The following CNTN1 variants were observed in gnomAD, a reference collection of about 807,000 sequenced individuals.
CNTN1 encodes the protein contactin 1.
Under a neutral mutation model 126.4 loss-of-function variants are expected in CNTN1, and 38 were observed. The ratio of observed to expected loss-of-function variants is 0.30; its 90% confidence interval spans 0.23 to 0.39. The LOEUF is 0.39. Among genes scored for constraint, CNTN1 ranks in the 10% least tolerant of loss-of-function variants. The pLI is 1.00. For synonymous variants in CNTN1, 413 were observed against 422.6 expected (o/e 0.98, Z 0.28); for missense variants, 1,009 against 1,248.4 (o/e 0.81, Z 2.89).
chr12:40,890,182 A>AT (rs1017385538), intron 1 of CNTN1, among the ~76,000 whole-genome samples: 2 of 151,992 alleles, frequency 1.3e-5, no homozygotes, highest in Non-Finnish European at 2.9e-5. Flanking sequence ...TAATTTTGTT[A>AT]TTTTTTAATA....
chr12:40,908,724 A>C (rs897206557), intron 2 of CNTN1, among the ~76,000 whole-genome samples: 3 of 152,060 alleles, frequency 2.0e-5, no homozygotes, highest in Non-Finnish European at 4.4e-5. Context: ...TAAAATCTAG[A>C]TCTCTGGGGA....
chr12:40,864,422 CATT>C (rs1381126458), intron 1 of CNTN1, among the ~76,000 whole-genome samples: 2 of 152,124 alleles, frequency 1.3e-5, no homozygotes, highest in African/African-American at 4.8e-5. Flanking sequence ...GTTGTGCAAT[CATT>C]AATCTAATTT....
At chr12:41,069,882 T>G in intron 23 of CNTN1, 77 bp from the exon 24 acceptor site, 1 of 1,185,464 alleles carries the variant, frequency 8.4e-7, no homozygotes. Flanking sequence ...CAATCTCGCC[T>G]TAGCTGAAGC....
intron 16 of CNTN1, among the ~76,000 whole-genome samples, chr12:40,981,316 G>A (rs1947813444): frequency 6.6e-6 from 1 of 152,040 alleles, no homozygotes; most frequent in African/African-American, 2.4e-5. Context: ...AGCAAAATGA[G>A]GCCTCCTGGG....
At chr12:40,902,234 A>G (rs1246364949) in intron 1 of CNTN1, among the ~76,000 whole-genome samples, 2 of 152,190 alleles carry the variant, frequency 1.3e-5, no homozygotes, top group Admixed American at 6.5e-5. Flanking sequence ...AAACCTCACA[A>G]TAACACTCTT....
intron 1 of CNTN1, among the ~76,000 whole-genome samples, chr12:40,721,923 T>G (rs1207866625): frequency 6.6e-6 from 1 of 150,956 alleles, no homozygotes; most frequent in Non-Finnish European, 1.5e-5. Flanking sequence ...GGTGTATATG[T>G]GCCACATTTT....
chr12:40,827,151 T>A (rs1431230265), intron 1 of CNTN1, among the ~76,000 whole-genome samples: 1 of 151,704 alleles, frequency 6.6e-6, no homozygotes, highest in Non-Finnish European at 1.5e-5. Context: ...ATTAGCAAAA[T>A]TAAATGTACA....
At chr12:40,868,811 TC>T (rs573833002) in intron 1 of CNTN1, among the ~76,000 whole-genome samples, 37 of 152,166 alleles carry the variant, frequency 2.4e-4, no homozygotes, top group Admixed American at 1.4e-3. Flanking sequence ...TGTTTTCTCT[TC>T]CCAGCAGCTG....
At chr12:40,984,034 G>A (rs1326376264) in intron 16 of CNTN1, among the ~76,000 whole-genome samples, 2 of 148,026 alleles carry the variant, frequency 1.4e-5, no homozygotes, top group African/African-American at 4.9e-5. Flanking sequence ...CACACACAGA[G>A]GATTAAATAT....
At chr12:41,026,692 G>T (rs948671735) in intron 21 of CNTN1, among the ~76,000 whole-genome samples, 33 of 152,284 alleles carry the variant, frequency 2.2e-4, no homozygotes, top group African/African-American at 7.2e-4. Context: ...AACCTTGTAA[G>T]TAATTGTGAT....
At chr12:40,888,830 T>C (rs181551823) in intron 1 of CNTN1, among the ~76,000 whole-genome samples, 47 of 152,200 alleles carry the variant, frequency 3.1e-4, no homozygotes, top group African/African-American at 1.1e-3. Context: ...ACAAAACAAG[T>C]TTGAGAGTTG....
At chr12:40,925,838 G>GTA (rs1565963144) in intron 6 of CNTN1, among the ~76,000 whole-genome samples, 7 of 77,822 alleles carry the variant, frequency 9.0e-5, no homozygotes, top group Admixed American at 2.3e-4. Flanking sequence ...ATGTATGTGT[G>GTA]TGTGTGTATA....
At position 41,010,216 on chromosome 12, in the gene CNTN1, C is replaced by G. The variant is rs79970628; in HGVS notation, c.2114-4012C>G. The stretch of plus-strand genomic sequence containing the variant: ...TGTATGTTGGTTTGAGCCACTGGAG[C>G]TCCGGGACCCATCAATCCTGTTGGA... On this transcript the variant is annotated intron_variant, in intron 17 of 23. Transcript: ENST00000551295. Among the ~76,000 whole-genome samples the G allele has an allele frequency of 1.1e-3, 164 of 152,250 alleles. 2 individuals carry two copies. In the East Asian group the frequency reaches 0.019, roughly 17 times the overall value.
chr12:40,883,609 AAC>A (rs777724453), intron 1 of CNTN1, among the ~76,000 whole-genome samples: 3 of 151,596 alleles, frequency 2.0e-5, no homozygotes, highest in Non-Finnish European at 4.4e-5. Context: ...GTTGCTAGGA[AAC>A]ACAGTTTGAA....
At chr12:40,922,894 C>T (rs555324206) in intron 5 of CNTN1, among the ~76,000 whole-genome samples, 6 of 148,970 alleles carry the variant, frequency 4.0e-5, no homozygotes, top group Admixed American at 2.7e-4. Context: ...TTGATGGAAC[C>T]TGGGAGGCGG....
chr12:40,996,157 G>C (rs1420303626), intron 17 of CNTN1, among the ~76,000 whole-genome samples: 1 of 147,496 alleles, frequency 6.8e-6, no homozygotes, highest in Non-Finnish European at 1.5e-5. Flanking sequence ...TTTTTTTTTA[G>C]ACAGTTCAGT....
At chr12:41,037,823 C>T (rs1949300224) in intron 23 of CNTN1, among the ~76,000 whole-genome samples, 1 of 152,036 alleles carries the variant, frequency 6.6e-6, no homozygotes, top group Non-Finnish European at 1.5e-5. Context: ...ATTTATTTGC[C>T]TGGCTGGTGA....
intron 1 of CNTN1, among the ~76,000 whole-genome samples, chr12:40,804,502 G>C (rs928775359): frequency 1.3e-5 from 2 of 152,052 alleles, no homozygotes; most frequent in Non-Finnish European, 2.9e-5. Flanking sequence ...TACAAGAGCA[G>C]ATGGTTGCCT....
At chr12:41,028,735 A>C (rs931974844) in intron 22 of CNTN1, among the ~76,000 whole-genome samples, 3 of 152,198 alleles carry the variant, frequency 2.0e-5, no homozygotes, top group African/African-American at 7.2e-5. Context: ...AGACCATTTC[A>C]ATATATTTTA....
Sources: allele counts gnomAD v4.1 joint callset (sites outside exome capture counted in the v4.1 genomes callset), GRCh38; gene constraint gnomAD v4.1.1; transcripts MANE v1.5; gene names NCBI Gene and HGNC (gene_info 2026-07-23, HGNC 2026-07-21).